The following ESF1 variants were observed in gnomAD, a reference collection of about 807,000 sequenced individuals.
ESF1 encodes ESF1 nucleolar pre-rRNA processing protein, also known as ESF1 homolog.
ESF1 carries 58 observed loss-of-function variants against 92.0 expected under a neutral mutation model. The ratio of observed to expected loss-of-function variants is 0.63; its 90% CI spans 0.51 to 0.78. The LOEUF (loss-of-function observed/expected upper bound fraction) is 0.78, where lower values mean the gene tolerates loss of function less well. ESF1 is among the 30% of genes least tolerant of loss of function. ESF1 has a pLI of 0.00. For synonymous variants in ESF1, 321 were observed against 313.7 expected (o/e 1.02, Z -0.24); for missense variants, 922 against 989.1 (o/e 0.93, Z 0.91).
intron 2 of ESF1, among the ~76,000 whole-genome samples, chr20:13,780,280 T>TA (rs1401592364): frequency 2.0e-5 from 3 of 152,302 alleles, no homozygotes; most frequent in African/African-American, 7.2e-5. Flanking sequence ...AAAAGATATG[T>TA]AAAAAAGTCT....
chr20:13,764,053 A>G (rs1349893173), intron 8 of ESF1, among the ~76,000 whole-genome samples: 1 of 152,248 alleles, frequency 6.6e-6, no homozygotes, highest in East Asian at 1.9e-4. Context: ...CATACTAAAG[A>G]AGCATTTTAG....
rs758713124 is a variant in ESF1, at chr20:13,717,447, A to G, written c.2183T>C (p.Ile728Thr). Residue 728 changes from isoleucine to threonine, a missense_variant, in exon 13 of 14, where the codon ATT becomes ACT. Transcript: ENST00000617257. ...TTTGCTCAGATTCTGGTGCTCCACAATCTTGTTGTAATTGAAGTGTTTCTT... is the reference window on the plus strand; with the variant it reads ...TTTGCTCAGATTCTGGTGCTCCACAGTCTTGTTGTAATTGAAGTGTTTCTT... ...DSKKHFNYNK[I>T]VEHQNLSKKK... 21 of 1,614,094 alleles carry G rather than the reference A, an allele frequency of 1.3e-5. No homozygotes were observed. The South Asian group carries it at 2.1e-4, about 16-fold the overall frequency.
At chr20:13,733,979 G>A (rs986334050) in intron 9 of ESF1, 137 bp from the exon 10 acceptor site, 1 of 1,027,360 alleles carries the variant, frequency 9.7e-7, no homozygotes, top group East Asian at 2.7e-5. Flanking sequence ...GTAAATATCT[G>A]TAATACCCCA....
chr20:13,733,686 T>C, intron 10 of ESF1, 35 bp downstream of exon 10: 2 of 1,599,240 alleles, frequency 1.3e-6, no homozygotes, highest in Non-Finnish European at 1.7e-6. Flanking sequence ...ATGGTTGGTA[T>C]TCAACAAACA....
chr20:13,754,543 A>G (rs1978793731), intron 9 of ESF1, among the ~76,000 whole-genome samples: 1 of 152,164 alleles, frequency 6.6e-6, no homozygotes, highest in Admixed American at 6.5e-5. Flanking sequence ...ATGTCTATTT[A>G]GGTATCAATG....
chr20:13,777,880 C>A (rs1445051398), intron 2 of ESF1, among the ~76,000 whole-genome samples: 1 of 152,148 alleles, frequency 6.6e-6, no homozygotes, highest in African/African-American at 2.4e-5. Flanking sequence ...GAAATTGGAA[C>A]TAATTTTCTC....
At chr20:13,773,403 CTCTTT>C (rs571996782) in intron 4 of ESF1, among the ~76,000 whole-genome samples, 78 of 151,622 alleles carry the variant, frequency 5.1e-4, no homozygotes, top group African/African-American at 1.8e-3. Context: ...CTTTTTTTTC[CTCTTT>C]TCTAAGTCTA....
intron 8 of ESF1, among the ~76,000 whole-genome samples, chr20:13,765,527 G>A (rs1433245970): frequency 6.6e-6 from 1 of 152,162 alleles, no homozygotes; most frequent in Non-Finnish European, 1.5e-5. Flanking sequence ...AAAGAGCTAT[G>A]AAAGTCAATT....
At chr20:13,748,429 C>CATATATATACATATACACAT in intron 9 of ESF1, among the ~76,000 whole-genome samples, 2 of 143,898 alleles carry the variant, frequency 1.4e-5, no homozygotes, top group South Asian at 4.3e-4. Flanking sequence ...TACATATACA[C>CATATATATACATATACACAT]ATATATATAC....
intron 9 of ESF1, among the ~76,000 whole-genome samples, chr20:13,734,259 TTTAA>T (rs1306751755): frequency 6.6e-6 from 1 of 152,230 alleles, no homozygotes; most frequent in Non-Finnish European, 1.5e-5. Flanking sequence ...TTTTCTTGTC[TTTAA>T]TTATCCCCAC....
chr20:13,733,681 T>C, intron 10 of ESF1, 40 bp downstream of exon 10: 5 of 1,592,976 alleles, frequency 3.1e-6, no homozygotes, highest in Non-Finnish European at 4.3e-6. Context: ...GATATATGGT[T>C]GGTATTCAAC....
Position 13,717,534 on chromosome 20 carries a change from G to A in ESF1, c.2116-20C>T. ...TTCAGCCTGTAGAGAGCAAAAAAAA[G>A]TTCAAATGTACAACAGTGCTTTTTT... On this transcript the variant is annotated intron_variant, in intron 12 of 13. Coordinates refer to ENST00000617257, the MANE Select transcript of ESF1 (RefSeq NM_001276380.2). The A allele has an allele frequency of 6.2e-7, 1 of 1,611,376 alleles. No homozygotes were observed. Among genetic ancestry groups the A allele is most frequent in the Non-Finnish European group, 8.5e-7 (1 of 1,179,546 alleles).
intron 9 of ESF1, among the ~76,000 whole-genome samples, chr20:13,739,126 C>A (rs1245007589): frequency 6.6e-6 from 1 of 152,130 alleles, no homozygotes; most frequent in Non-Finnish European, 1.5e-5. Context: ...TCTATATCTT[C>A]CAAAACATTC....
chr20:13,748,592 A>ATATATTTTTTTTT (rs1331098586), intron 9 of ESF1, among the ~76,000 whole-genome samples: 6 of 95,724 alleles, frequency 6.3e-5, no homozygotes, highest in African/African-American at 3.9e-4. Context: ...ATATATATAT[A>ATATATTTTTTTTT]TTTTTTTTTT....
At chr20:13,733,903 A>G in intron 9 of ESF1, 61 bp from the exon 10 acceptor site, 1 of 1,512,314 alleles carries the variant, frequency 6.6e-7, no homozygotes, top group Non-Finnish European at 8.8e-7. Flanking sequence ...TCACTTAAAC[A>G]TATAATTTAT....
intron 9 of ESF1, among the ~76,000 whole-genome samples, chr20:13,750,425 A>G (rs1978577593): frequency 6.6e-6 from 1 of 152,152 alleles, no homozygotes; most frequent in African/African-American, 2.4e-5. Context: ...GAATTGCTTG[A>G]ACGCGGGAGG....
intron 11 of ESF1, among the ~76,000 whole-genome samples, chr20:13,727,299 C>T (rs2049906995): frequency 6.6e-6 from 1 of 152,214 alleles, no homozygotes; most frequent in African/African-American, 2.4e-5. Flanking sequence ...GTTTCCACTT[C>T]TCTGTCCAAT....
chr20:13,762,386 G>A (rs944867413), intron 8 of ESF1, among the ~76,000 whole-genome samples: 4 of 152,100 alleles, frequency 2.6e-5, no homozygotes, highest in Admixed American at 2.0e-4. Flanking sequence ...AAAACATCAG[G>A]AACACATTAA....
At chr20:13,746,503 A>G (rs1354391133) in intron 9 of ESF1, among the ~76,000 whole-genome samples, 1 of 152,194 alleles carries the variant, frequency 6.6e-6, no homozygotes, top group Non-Finnish European at 1.5e-5. Flanking sequence ...TGAGGCCTCT[A>G]TGCTCTTTCT....
Sources: allele counts gnomAD v4.1 joint callset (sites outside exome capture counted in the v4.1 genomes callset), GRCh38; gene constraint gnomAD v4.1.1; transcripts MANE v1.5; gene names NCBI Gene and HGNC (gene_info 2026-07-23, HGNC 2026-07-21).